ZBTB7C: variants seen among roughly 807,000 people sequenced by gnomAD.
ZBTB7C encodes zinc finger and BTB domain containing 7C, also known as zinc finger and BTB domain-containing protein 7C.
ZBTB7C carries 8 observed loss-of-function variants against 25.7 expected under a neutral mutation model. That is an observed-to-expected ratio of 0.31 (90% CI 0.18 to 0.56). ZBTB7C has a LOEUF of 0.56. Among genes scored for constraint, ZBTB7C ranks in the 20% least tolerant of loss-of-function variants. The pLI is 0.91. For missense variants in ZBTB7C, 824 were observed against 855.2 expected (o/e 0.96, Z 0.46); for synonymous variants, 394 against 369.0 (o/e 1.07, Z -0.78).
chr18:48,339,515 A>G (rs2046541768), intron 1 of ZBTB7C, among the ~76,000 whole-genome samples: 1 of 152,258 alleles, frequency 6.6e-6, no homozygotes, highest in Admixed American at 6.5e-5. Flanking sequence ...TTGAAAGACT[A>G]GGAAACAGAT....
chr18:48,161,664 C>G (rs1446998371), intron 3 of ZBTB7C, among the ~76,000 whole-genome samples: 2 of 150,722 alleles, frequency 1.3e-5, no homozygotes, highest in East Asian at 3.9e-4. Context: ...CTGCCCGCAG[C>G]CCCCTTCCTG....
intron 3 of ZBTB7C, among the ~76,000 whole-genome samples, chr18:48,075,448 T>G (rs1321107566): frequency 6.6e-6 from 1 of 152,224 alleles, no homozygotes; most frequent in East Asian, 1.9e-4. Flanking sequence ...AAGAACATGC[T>G]AGAACCTCCA....
intron 1 of ZBTB7C, among the ~76,000 whole-genome samples, chr18:48,343,891 C>T (rs571591327): frequency 6.6e-5 from 10 of 152,226 alleles, no homozygotes; most frequent in East Asian, 1.9e-4. Context: ...CTCCCTCCCC[C>T]GCCTGCTTTG....
intron 3 of ZBTB7C, among the ~76,000 whole-genome samples, chr18:48,045,960 A>G (rs2144204927): frequency 6.6e-6 from 1 of 152,332 alleles, no homozygotes; most frequent in Middle Eastern, 3.4e-3. Context: ...GCCAATGCCA[A>G]CTTGCTAGTT....
chr18:48,074,611 A>G (rs972858678), intron 3 of ZBTB7C, among the ~76,000 whole-genome samples: 7 of 152,226 alleles, frequency 4.6e-5, no homozygotes, highest in African/African-American at 1.7e-4. Flanking sequence ...TATGGAGAGG[A>G]AGGCTTTCAT....
intron 3 of ZBTB7C, among the ~76,000 whole-genome samples, chr18:48,080,161 A>G (rs1379466515): frequency 6.6e-6 from 1 of 152,204 alleles, no homozygotes; most frequent in Non-Finnish European, 1.5e-5. Flanking sequence ...ATGGAGTACA[A>G]GGGCTTCTGA....
chr18:48,038,131 G>T (rs904314042), intron 4 of ZBTB7C, among the ~76,000 whole-genome samples: 17 of 152,244 alleles, frequency 1.1e-4, no homozygotes, highest in Admixed American at 9.2e-4. Context: ...ACATCCAAGG[G>T]GAGGTGAATC....
intron 3 of ZBTB7C, among the ~76,000 whole-genome samples, chr18:48,106,345 GAAAA>G (rs56291079): frequency 2.1e-5 from 3 of 139,698 alleles, no homozygotes; most frequent in Admixed American, 7.2e-5. Context: ...AAAGTGGCAA[GAAAA>G]AAAAAAAAAG....
intron 4 of ZBTB7C, among the ~76,000 whole-genome samples, chr18:48,039,290 G>A (rs1003368242): frequency 1.1e-4 from 16 of 152,154 alleles, no homozygotes; most frequent in African/African-American, 1.9e-4. Context: ...ACTGGTCACC[G>A]GCTTTGCTAT....
rs1160243590 is a variant in ZBTB7C at position 48,135,839 on chromosome 18, TAGA to T, written c.-17+50092_-17+50094del. ...CTTTCTATTTTCAAAATTCCGCATT[TAGA>T]AGAACTGGAAGTGGTCTGCCACTAG... is the stretch of plus-strand genomic sequence containing the variant. On this transcript the variant is annotated intron_variant, in intron 3 of 4. Coordinates refer to ENST00000590800, the MANE Select transcript of ZBTB7C (RefSeq NM_001318841.2). Among the ~76,000 whole-genome samples the T allele has an allele frequency of 2.0e-5, 3 of 152,234 alleles. No homozygotes were observed. The South Asian group carries it at 6.2e-4, about 32-fold the overall frequency.
chr18:48,033,458 T>A (rs2035845529), intron 4 of ZBTB7C, among the ~76,000 whole-genome samples: 1 of 152,192 alleles, frequency 6.6e-6, no homozygotes, highest in African/African-American at 2.4e-5. Flanking sequence ...GCTTTCTGCC[T>A]CTGTGGCCAG....
chr18:48,259,735 T>C (rs1043601060), intron 2 of ZBTB7C, among the ~76,000 whole-genome samples: 1 of 151,962 alleles, frequency 6.6e-6, no homozygotes, highest in African/African-American at 2.4e-5. Flanking sequence ...AAAAAAAATA[T>C]GAATGGCAAG....
At chr18:48,107,051 T>C (rs1019172128) in intron 3 of ZBTB7C, among the ~76,000 whole-genome samples, 13 of 148,472 alleles carry the variant, frequency 8.8e-5, no homozygotes, top group African/African-American at 2.8e-4. Flanking sequence ...ATGCGGAGTT[T>C]ACCACAGGGA....
At chr18:48,394,185 C>T (rs995918935) in intron 1 of ZBTB7C, among the ~76,000 whole-genome samples, 3 of 152,176 alleles carry the variant, frequency 2.0e-5, no homozygotes, top group African/African-American at 7.2e-5. Context: ...TTTTAAAATG[C>T]AGGTGTGTTG....
At chr18:48,224,759 T>C (rs1261331874) in intron 2 of ZBTB7C, among the ~76,000 whole-genome samples, 1 of 152,076 alleles carries the variant, frequency 6.6e-6, no homozygotes, top group Non-Finnish European at 1.5e-5. Flanking sequence ...TCTTTCAGAG[T>C]TGCTGGGCAG....
rs548403335 is a variant in ZBTB7C, at chr18:48,407,118, A to T, written c.-304+2108T>A. 4.9e-4 allele frequency among the ~76,000 whole-genome samples: 74 copies of T among 152,356 alleles called. 2 individuals are homozygous for T. The South Asian group carries it at 0.014, about 30-fold the overall frequency. ...ACAACATTTATTCCAACACCCCCAG[A>T]TAATTGCTCATCTTTCTCATTTGGT... On this transcript the variant is annotated intron_variant, in intron 1 of 4. Transcript: ENST00000590800.
intron 2 of ZBTB7C, among the ~76,000 whole-genome samples, chr18:48,195,523 C>T (rs2042299060): frequency 6.6e-6 from 1 of 152,190 alleles, no homozygotes; most frequent in South Asian, 2.1e-4. Flanking sequence ...GCCTCCCCAG[C>T]CATGTGGAAC....
intron 3 of ZBTB7C, among the ~76,000 whole-genome samples, chr18:48,177,763 G>T (rs1184045561): frequency 2.6e-5 from 4 of 152,116 alleles, no homozygotes; most frequent in Admixed American, 2.0e-4. Flanking sequence ...CTCTTCTTGT[G>T]CCCTGGGAGG....
chr18:48,184,891 T>A (rs548534045), intron 3 of ZBTB7C, among the ~76,000 whole-genome samples: 16 of 152,208 alleles, frequency 1.1e-4, no homozygotes, highest in African/African-American at 3.9e-4. Context: ...GTATCTCCAA[T>A]GCAGATTTCC....
Sources: allele counts gnomAD v4.1 joint callset (sites outside exome capture counted in the v4.1 genomes callset), GRCh38; gene constraint gnomAD v4.1.1; transcripts MANE v1.5; gene names NCBI Gene and HGNC (gene_info 2026-07-23, HGNC 2026-07-21).